DCDC1: variants seen among roughly 807,000 people sequenced by gnomAD.
The protein encoded by DCDC1 is doublecortin domain-containing protein 1.
DCDC1 carries 200 observed loss-of-function variants against 178.3 expected under a neutral mutation model. The ratio of observed to expected loss-of-function variants is 1.12; its 90% CI spans 1.00 to 1.26. DCDC1 has a LOEUF of 1.26. DCDC1 is among the 50% of genes most tolerant of loss of function. The pLI is 0.00. For missense variants in DCDC1, 1,983 were observed against 1,749.2 expected (o/e 1.13, Z -2.38); for synonymous variants, 690 against 604.8 (o/e 1.14, Z -2.07).
chr11:31,128,309 T>A lies in DCDC1; in HGVS notation c.1315-670A>T, dbSNP rs995272153. Among the ~76,000 whole-genome samples the A allele has an allele frequency of 3.3e-5, 5 of 152,102 alleles. No homozygotes were observed. In the South Asian group the frequency reaches 1.0e-3, roughly 31 times the overall value. ...GAAACACCAAAGGCTAAGGAATCTG[T>A]AACCTTGATTTTTAAATTTCTAGAC... On this transcript the variant is annotated intron_variant, in intron 10 of 38. Coordinates refer to ENST00000684477, the MANE Select transcript of DCDC1 (RefSeq NM_001387274.1).
At chr11:30,970,722 G>T (rs889678337) in intron 20 of DCDC1, among the ~76,000 whole-genome samples, 1 of 152,160 alleles carries the variant, frequency 6.6e-6, no homozygotes, top group Non-Finnish European at 1.5e-5. Context: ...CAGCAATCCT[G>T]CCCTCCCCAG....
chr11:31,310,472 C>T (rs1235499361), intron 3 of DCDC1, among the ~76,000 whole-genome samples: 3 of 151,714 alleles, frequency 2.0e-5, no homozygotes, highest in African/African-American at 7.3e-5. Flanking sequence ...GCGCATGCAA[C>T]CACGCCCAGC....
chr11:30,918,335 A>G (rs1289453604), intron 25 of DCDC1, among the ~76,000 whole-genome samples: 1 of 151,890 alleles, frequency 6.6e-6, no homozygotes, highest in East Asian at 1.9e-4. Context: ...AGAACAAACC[A>G]TTCGTTAGTT....
chr11:31,106,894 A>C lies in DCDC1; in HGVS notation c.1654T>G (p.Ser552Ala), dbSNP rs192646671. The C allele has an allele frequency of 2.6e-5, 20 of 766,066 alleles. No individual in the cohort carries two copies. The highest frequency in any genetic ancestry group is 2.5e-4 in the African/African-American group (15 of 59,102). 47.5% of individuals were successfully genotyped at this position (766,066 alleles called of 1,614,324 possible). ...SINPPGLNYS[S>A]MRLFDENGQE... is the part of the protein sequence containing the mutation. Reference sequence around the variant, plus strand: ...CCATTCTCATCAAAAAGCCGCATTGAAGAATAATTGAGGCCTGGTGGGTTG... The same window carrying C: ...CCATTCTCATCAAAAAGCCGCATTGCAGAATAATTGAGGCCTGGTGGGTTG... The change falls in exon 13 of 39, where the codon TCA becomes GCA. Residue 552 changes from serine to alanine, a missense_variant. Transcript: ENST00000684477.
intron 1 of DCDC1, among the ~76,000 whole-genome samples, chr11:31,357,254 T>A (rs1321708747): frequency 6.6e-6 from 1 of 151,896 alleles, no homozygotes; most frequent in Non-Finnish European, 1.5e-5. Flanking sequence ...CAAGTGGGCT[T>A]CATCCCTGGG....
intron 1 of DCDC1, among the ~76,000 whole-genome samples, chr11:31,362,601 T>C (rs1951765072): frequency 6.6e-6 from 1 of 152,166 alleles, no homozygotes; most frequent in Non-Finnish European, 1.5e-5. Context: ...AAACAATCTG[T>C]CATTTGTCTG....
intron 9 of DCDC1, among the ~76,000 whole-genome samples, chr11:31,235,114 TCTAA>T (rs1372521171): frequency 6.6e-6 from 1 of 152,146 alleles, no homozygotes; most frequent in African/African-American, 2.4e-5. Context: ...GATATCTTCA[TCTAA>T]CTAAAGAATG....
intron 2 of DCDC1, among the ~76,000 whole-genome samples, chr11:31,328,779 C>G (rs75082426): frequency 0.02 from 2,894 of 147,690 alleles, 84 homozygotes; most frequent in African/African-American, 0.068. Flanking sequence ...CCACTGCACT[C>G]CAGGCTGGGC....
Position 31,305,735 on chromosome 11 carries a change from C to T in DCDC1, c.634G>A (p.Ala212Thr), listed in dbSNP as rs374157559. 10 of 1,613,458 alleles carry T rather than the reference C, an allele frequency of 6.2e-6. No individual in the cohort carries two copies. Among genetic ancestry groups the T allele is most frequent in the African/African-American group, 5.3e-5 (4 of 74,836 alleles). The part of the protein sequence containing the change: ...CTEKLNLNMA[A>T]RRVFLADGKE... Reference sequence around the variant, plus strand: ...CCGTCTGCCAAGAACACTCGTCTTGCGGCCATGTTCAGATTCAGCTTTTCT... The same window carrying T: ...CCGTCTGCCAAGAACACTCGTCTTGTGGCCATGTTCAGATTCAGCTTTTCT... The change falls in exon 6 of 39, where the codon GCA becomes ACA. Residue 212 changes from alanine (A) to threonine (T), a missense_variant. Coordinates refer to ENST00000684477, the MANE Select transcript of DCDC1 (RefSeq NM_001387274.1).
At chr11:31,180,811 T>G (rs1028482883) in intron 9 of DCDC1, among the ~76,000 whole-genome samples, 3 of 151,866 alleles carry the variant, frequency 2.0e-5, no homozygotes, top group Non-Finnish European at 4.4e-5. Flanking sequence ...CAGGAGTTTT[T>G]TTGTTGTTTT....
intron 22 of DCDC1, 56 bp downstream of exon 22, chr11:30,931,715 C>A: frequency 6.8e-7 from 1 of 1,479,884 alleles, no homozygotes; most frequent in Non-Finnish European, 9.0e-7. Context: ...ATTAAGAACA[C>A]AAAATCTGTA....
intron 28 of DCDC1, 91 bp downstream of exon 28, chr11:30,911,236 T>G (rs536778555): frequency 2.8e-6 from 2 of 712,854 alleles, no homozygotes; most frequent in East Asian, 3.5e-5. Context: ...TCTATGACAG[T>G]TTTTTTTTTT....
At chr11:31,204,501 G>T (rs1183111402) in intron 9 of DCDC1, among the ~76,000 whole-genome samples, 1 of 151,706 alleles carries the variant, frequency 6.6e-6, no homozygotes, top group Non-Finnish European at 1.5e-5. Flanking sequence ...CCTGTTAAAT[G>T]GGATTGGAAT....
At position 31,101,983 on chromosome 11, in the gene DCDC1, G is replaced by A. The variant is rs564986860; in HGVS notation, c.1983+194C>T. 3.9e-5 allele frequency among the ~76,000 whole-genome samples: 6 copies of A among 151,912 alleles called. No homozygotes were observed. The East Asian group carries it at 9.7e-4, about 25-fold the overall frequency. On this transcript the variant is annotated intron_variant, in intron 15 of 38. Transcript: ENST00000684477. ...ACCCAGCTACCTGAAAGGCTGAGGC[G>A]GGAGAATCGCTTGAACCCAGGAGGT...
At chr11:31,164,407 T>A (rs1379468382) in intron 9 of DCDC1, among the ~76,000 whole-genome samples, 1 of 152,144 alleles carries the variant, frequency 6.6e-6, no homozygotes, top group African/African-American at 2.4e-5. Flanking sequence ...AGCATCATTA[T>A]AATAGGAGAT....
intron 9 of DCDC1, among the ~76,000 whole-genome samples, chr11:31,214,565 G>T (rs1973299136): frequency 6.6e-6 from 1 of 152,248 alleles, no homozygotes; most frequent in Non-Finnish European, 1.5e-5. Context: ...GCATTATGCA[G>T]ATTAGAAAGA....
Position 30,911,411 on chromosome 11 carries a change from G to T in DCDC1, c.3663C>A (p.His1221Gln). The T allele has an allele frequency of 6.3e-7, 1 of 1,597,590 alleles. No homozygotes were observed. Among genetic ancestry groups the T allele is most frequent in the Non-Finnish European group, 8.5e-7 (1 of 1,171,612 alleles). ...WIHQEDSRTF[H>Q]LVSNPDLVLA... The stretch of plus-strand genomic sequence containing the variant: ...GCACAAGGTCAGGGTTACTCACAAG[G>T]TGAAAGGTCCTTGGGAAAACAGGAT... The change falls in exon 28 of 39, where the codon CAC becomes CAA. Residue 1221 changes from histidine to glutamine, a missense_variant. By Grantham distance (24) the His-to-Gln change is conservative. Transcript: ENST00000684477.
At chr11:30,870,101 A>C (rs1450489487) in intron 38 of DCDC1, among the ~76,000 whole-genome samples, 1 of 152,142 alleles carries the variant, frequency 6.6e-6, no homozygotes, top group East Asian at 1.9e-4. Context: ...CTATAAATGC[A>C]TCCCATTTTA....
chr11:30,873,364 T>TATAGAGAGAG (rs1228106379), intron 38 of DCDC1, among the ~76,000 whole-genome samples: 33 of 137,080 alleles, frequency 2.4e-4, no homozygotes, highest in African/African-American at 8.3e-4. Context: ...TATATATATA[T>TATAGAGAGAG]AGAGAGAGAG....
Sources: gnomAD v4.1 joint callset for allele counts (sites outside exome capture counted in the v4.1 genomes callset) on GRCh38, gnomAD v4.1.1 for gene constraint, MANE v1.5 for transcripts, NCBI Gene and HGNC (gene_info 2026-07-23, HGNC 2026-07-21) for gene names.